The following PTPRN2 variants were observed in gnomAD, a reference collection of about 807,000 sequenced individuals.
The protein encoded by PTPRN2 is receptor-type tyrosine-protein phosphatase N2.
A neutral mutation model predicts 118.8 loss-of-function variants in PTPRN2; 74 were observed. The ratio of observed to expected loss-of-function variants is 0.62; its 90% CI spans 0.52 to 0.76. The LOEUF is 0.76. Ranked by LOEUF, PTPRN2 falls within the 30% of genes least tolerant of loss-of-function variation. The pLI is 0.00. For missense variants in PTPRN2, 1,481 were observed against 1,394.4 expected (o/e 1.06, Z -0.99); for synonymous variants, 641 against 608.0 (o/e 1.05, Z -0.80).
At position 158,314,916 on chromosome 7, in the gene PTPRN2, G is replaced by A. The variant is rs959181625; in HGVS notation, c.277+1903C>T. ...TTAAGGACAGAGGTGAACCCGGGAC[G>A]CCCTCAAGGACAGAGGTGAACCCGG... On this transcript the variant is annotated intron_variant, in intron 3 of 22. Transcript: ENST00000389418. 4.4e-5 allele frequency among the ~76,000 whole-genome samples: 6 copies of A among 137,718 alleles called. No homozygotes were observed. In the East Asian group the frequency reaches 8.8e-4, roughly 20 times the overall value. 90.3% of individuals were successfully genotyped at this position (137,718 alleles called of 152,430 possible).
intron 11 of PTPRN2, among the ~76,000 whole-genome samples, chr7:157,914,761 C>T (rs998039768): frequency 6.6e-6 from 1 of 152,118 alleles, no homozygotes; most frequent in Admixed American, 6.5e-5. Flanking sequence ...TTAAGATCCT[C>T]CTACTCTACT....
At chr7:158,270,831 GAT>G (rs1491544610) in intron 3 of PTPRN2, among the ~76,000 whole-genome samples, 1,017 of 7,136 alleles carry the variant, frequency 0.14, 150 homozygotes, top group African/African-American at 0.34. Context: ...CCTCCACCTG[GAT>G]GACCCCCTCA....
intron 12 of PTPRN2, among the ~76,000 whole-genome samples, chr7:157,734,815 G>A (rs1482785806): frequency 6.6e-6 from 1 of 152,234 alleles, no homozygotes; most frequent in African/African-American, 2.4e-5. Context: ...GGATGAACCC[G>A]GGACCAGCAG....
chr7:157,949,274 A>C (rs1800671649), intron 11 of PTPRN2, among the ~76,000 whole-genome samples: 1 of 152,272 alleles, frequency 6.6e-6, no homozygotes, highest in Admixed American at 6.5e-5. Flanking sequence ...TGGCAGTTGC[A>C]CAATGTTGTG....
rs569982524 is a variant in PTPRN2, at chr7:157,591,997, G to A, written c.2496+3241C>T. Among the ~76,000 whole-genome samples, 97 of 152,318 alleles carry A rather than the reference G, an allele frequency of 6.4e-4. No homozygotes were observed. Among genetic ancestry groups the A allele is most frequent in the African/African-American group, 2.1e-3 (88 of 41,570 alleles). On this transcript the variant is annotated intron_variant, in intron 17 of 22. Transcript: ENST00000389418. The surrounding 1 kb of genome is among the most constrained non-coding windows in gnomAD (Gnocchi z 4.4). ...CATCCTGGGAGGGCTGAGGCTACTGGCCATGAGCTCTTGTCTTAGAAAAGC... is the reference window on the plus strand; with the variant it reads ...CATCCTGGGAGGGCTGAGGCTACTGACCATGAGCTCTTGTCTTAGAAAAGC...
chr7:158,075,527 CG>C (rs1228762529), intron 11 of PTPRN2, among the ~76,000 whole-genome samples: 1 of 152,186 alleles, frequency 6.6e-6, no homozygotes, highest in Non-Finnish European at 1.5e-5. Context: ...CAGCAGGAGA[CG>C]GGCACTGAGC....
intron 2 of PTPRN2, among the ~76,000 whole-genome samples, chr7:158,365,073 G>C (rs1809328874): frequency 6.6e-6 from 1 of 152,078 alleles, no homozygotes; most frequent in South Asian, 2.1e-4. Flanking sequence ...AAATTGGGTG[G>C]TTTACTCCAC....
At chr7:158,064,050 A>G (rs538186798) in intron 11 of PTPRN2, among the ~76,000 whole-genome samples, 1 of 152,296 alleles carries the variant, frequency 6.6e-6, no homozygotes, top group South Asian at 2.1e-4. Flanking sequence ...AGATACCACA[A>G]TTCCACCAGC....
At chr7:158,350,321 G>A (rs1199592714) in intron 2 of PTPRN2, among the ~76,000 whole-genome samples, 1 of 152,172 alleles carries the variant, frequency 6.6e-6, no homozygotes, top group Admixed American at 6.5e-5. Flanking sequence ...CCCAAGCAGG[G>A]GCAGGACTGG....
chr7:158,199,527 A>G (rs1826468161), intron 4 of PTPRN2, among the ~76,000 whole-genome samples: 1 of 152,166 alleles, frequency 6.6e-6, no homozygotes, highest in African/African-American at 2.4e-5. Context: ...TATTTCATGA[A>G]TGGATGATTG....
intron 12 of PTPRN2, among the ~76,000 whole-genome samples, chr7:157,704,004 C>T (rs956967060): frequency 1.3e-5 from 2 of 152,232 alleles, no homozygotes; most frequent in East Asian, 3.9e-4. Context: ...TTTCCAGCTG[C>T]AGCTCCGGGT....
intron 11 of PTPRN2, among the ~76,000 whole-genome samples, chr7:158,066,952 A>G (rs1785490870): frequency 6.6e-6 from 1 of 152,218 alleles, no homozygotes; most frequent in African/African-American, 2.4e-5. Context: ...TCTTCCTTCA[A>G]TATCAGCAAA....
intron 1 of PTPRN2, among the ~76,000 whole-genome samples, chr7:158,492,642 C>T (rs1336817676): frequency 6.6e-6 from 1 of 152,238 alleles, no homozygotes; most frequent in Non-Finnish European, 1.5e-5. Flanking sequence ...ATTACCAGAG[C>T]TGCAAATGTT....
intron 12 of PTPRN2, among the ~76,000 whole-genome samples, chr7:157,829,628 G>A (rs955250399): frequency 3.3e-5 from 5 of 152,228 alleles, no homozygotes; most frequent in South Asian, 2.1e-4. Flanking sequence ...GGCGGAAGGC[G>A]CCACACTGTG....
intron 2 of PTPRN2, among the ~76,000 whole-genome samples, chr7:158,369,340 GAT>G (rs1213465680): frequency 6.7e-6 from 1 of 150,202 alleles, no homozygotes. Flanking sequence ...TAACTAATAT[GAT>G]ATATATATAT....
At chr7:157,753,163 C>A (rs948185557) in intron 12 of PTPRN2, among the ~76,000 whole-genome samples, 1 of 152,230 alleles carries the variant, frequency 6.6e-6, no homozygotes, top group Non-Finnish European at 1.5e-5. Context: ...ATCCTAAACG[C>A]CTCCCTCTGC....
intron 11 of PTPRN2, among the ~76,000 whole-genome samples, chr7:157,946,881 C>T (rs772860913): frequency 1.4e-4 from 21 of 152,180 alleles, no homozygotes; most frequent in Non-Finnish European, 2.9e-4. Context: ...CCGACACTGC[C>T]GGAGACCCTC....
At position 157,868,149 on chromosome 7, in the gene PTPRN2, C is replaced by T. The variant is rs1810829586; in HGVS notation, c.1788+30524G>A. Reference sequence around the variant, plus strand: ...GTGGGGTGTGGGCTGTGGGTCCAGACACAGTTATCCTAAGGCCAGGCACAG... The same window carrying T: ...GTGGGGTGTGGGCTGTGGGTCCAGATACAGTTATCCTAAGGCCAGGCACAG... On this transcript the variant is annotated intron_variant, in intron 12 of 22. Transcript: ENST00000389418. The surrounding 1 kb of genome is among the most constrained non-coding windows in gnomAD (Gnocchi z 5.2). Among the ~76,000 whole-genome samples, 1 of 152,216 alleles carries T rather than the reference C, an allele frequency of 6.6e-6. No homozygotes were observed. Among genetic ancestry groups the T allele is most frequent in the Non-Finnish European group, 1.5e-5 (1 of 68,044 alleles).
chr7:158,574,188 G>A lies in PTPRN2; in HGVS notation c.112+13370C>T, dbSNP rs192583736. Reference sequence around the variant, plus strand: ...CTGTTCTCAGCATATATTGTGCATCGAGACAGCAAATAACCATAGATTGAA... The same window carrying A: ...CTGTTCTCAGCATATATTGTGCATCAAGACAGCAAATAACCATAGATTGAA... On this transcript the variant is annotated intron_variant, in intron 1 of 22. Transcript: ENST00000389418. The surrounding 1 kb of genome is among the most constrained non-coding windows in gnomAD (Gnocchi z 4.6). 4.3e-4 allele frequency among the ~76,000 whole-genome samples: 65 copies of A among 152,188 alleles called. No individual in the cohort carries two copies. Among genetic ancestry groups the A allele is most frequent in the African/African-American group, 1.3e-3 (52 of 41,520 alleles).
Sources: gnomAD v4.1 joint callset for allele counts (sites outside exome capture counted in the v4.1 genomes callset) on GRCh38, gnomAD v4.1.1 for gene constraint, Gnocchi (gnomAD v3.1) non-coding constraint, MANE v1.5 for transcripts, NCBI Gene and HGNC (gene_info 2026-07-23, HGNC 2026-07-21) for gene names.